Variants in NMD3 observed in about 807,000 individuals in gnomAD.
NMD3 encodes 60S ribosomal export protein NMD3.
A neutral mutation model predicts 73.1 loss-of-function variants in NMD3; 47 were observed. The observed-to-expected ratio is 0.64, with a 90% CI of 0.51 to 0.82. The LOEUF (loss-of-function observed/expected upper bound fraction) is 0.82. Among genes scored for constraint, NMD3 ranks in the 40% least tolerant of loss-of-function variants. The probability of loss-of-function intolerance (pLI) is 0.00; values close to 1 mark genes in which losing one functional copy is unlikely to be tolerated. For synonymous variants in NMD3, 210 were observed against 194.5 expected (o/e 1.08, Z -0.66); for missense variants, 554 against 612.5 (o/e 0.90, Z 1.01).
intron 7 of NMD3, among the ~76,000 whole-genome samples, chr3:161,236,016 A>G (rs193166419): frequency 1.3e-5 from 2 of 151,920 alleles, no homozygotes; most frequent in Admixed American, 1.3e-4. Flanking sequence ...CCTCAACTCT[A>G]TTTAGTTCTG....
At position 161,249,524 on chromosome 3, in the gene NMD3, C is replaced by T. The variant is rs140538956; in HGVS notation, c.1274C>T (p.Ala425Val). 1.5e-5 allele frequency: 24 copies of T among 1,612,114 alleles called. No homozygotes were observed. The highest frequency in any genetic ancestry group is 2.0e-5 in the Non-Finnish European group (23 of 1,178,604). ...RRRNWKLKEL[A>V]RERENMDTDD... The stretch of plus-strand genomic sequence containing the variant: ...AGAAACTGGAAATTGAAAGAGCTTG[C>T]AAGAGAGAGAGAAAACATGGATACA... The change falls in exon 14 of 16, where the codon GCA becomes GTA. Residue 425 changes from alanine (A) to valine (V), a missense_variant. Physicochemically the swap from Ala to Val is moderately conservative, Grantham distance 64 (BLOSUM62 0). Coordinates refer to ENST00000351193, the MANE Select transcript of NMD3 (RefSeq NM_015938.5).
chr3:161,242,774 A>T, intron 11 of NMD3, 121 bp downstream of exon 11: 1 of 754,662 alleles, frequency 1.3e-6, no homozygotes. Flanking sequence ...TTAGCACCAC[A>T]TTAGGAAAAA....
chr3:161,231,164 G>A (rs184461494), intron 4 of NMD3, among the ~76,000 whole-genome samples: 1 of 152,204 alleles, frequency 6.6e-6, no homozygotes, highest in Non-Finnish European at 1.5e-5. Flanking sequence ...GAATAATTTT[G>A]ATTATTGATT....
At chr3:161,221,288 G>C (rs1166843226), upstream of NMD3, 3 of 152,208 alleles carry the variant, frequency 2.0e-5, no homozygotes, top group Non-Finnish European at 4.4e-5. Context: ...GCGGGATTTC[G>C]AGCATTTCGC....
chr3:161,238,069 A>G (rs1736831408), intron 7 of NMD3, 44 bp from the exon 8 acceptor site: 2 of 1,308,056 alleles, frequency 1.5e-6, no homozygotes, highest in Non-Finnish European at 2.1e-6. Flanking sequence ...GGAGAATCCT[A>G]TTTTGCATAA....
rs117330428 is a variant in NMD3 at position 161,240,304 on chromosome 3, T to A, written c.754-742T>A. Reference sequence around the variant, plus strand: ...ACTTTTTTGGGCTTAAATCTTTGATTGTATATTGGCACATGTAGCCATGTA... The same window carrying A: ...ACTTTTTTGGGCTTAAATCTTTGATAGTATATTGGCACATGTAGCCATGTA... On this transcript the variant is annotated intron_variant, in intron 9 of 15. Coordinates refer to ENST00000351193, the MANE Select transcript of NMD3 (RefSeq NM_015938.5). 2.4e-3 allele frequency among the ~76,000 whole-genome samples: 372 copies of A among 152,258 alleles called. 16 individuals are homozygous for A. The East Asian group carries it at 0.067, about 28-fold the overall frequency.
intron 3 of NMD3, among the ~76,000 whole-genome samples, chr3:161,226,271 TG>T (rs1281315282): frequency 6.6e-5 from 10 of 151,898 alleles, no homozygotes; most frequent in African/African-American, 2.2e-4. Flanking sequence ...CTGGCCAACA[TG>T]GTGAAACCCT....
chr3:161,239,902 T>G (rs1299774764), intron 9 of NMD3, among the ~76,000 whole-genome samples: 1 of 152,182 alleles, frequency 6.6e-6, no homozygotes, highest in African/African-American at 2.4e-5. Context: ...CTGGTAAAAC[T>G]TTATTTACAA....
At chr3:161,245,881 A>C (rs780023774) in intron 11 of NMD3, among the ~76,000 whole-genome samples, 15 of 152,126 alleles carry the variant, frequency 9.9e-5, no homozygotes, top group Non-Finnish European at 1.6e-4. Flanking sequence ...GTTTACTACC[A>C]GGATTTCTAG....
chr3:161,228,445 GT>G (rs1442424290), intron 4 of NMD3, among the ~76,000 whole-genome samples: 4 of 151,298 alleles, frequency 2.6e-5, no homozygotes, highest in Admixed American at 1.3e-4. Flanking sequence ...CTAATGAATT[GT>G]TTTTTTCCAG....
chr3:161,229,653 A>G (rs1736457834), intron 4 of NMD3, among the ~76,000 whole-genome samples: 2 of 152,346 alleles, frequency 1.3e-5, no homozygotes, highest in Admixed American at 1.3e-4. Context: ...ATTGGATTAG[A>G]TTATTTCAGG....
chr3:161,225,917 C>G (rs1400975125), intron 3 of NMD3, among the ~76,000 whole-genome samples: 1 of 151,702 alleles, frequency 6.6e-6, no homozygotes, highest in African/African-American at 2.4e-5. Flanking sequence ...TGTACTGTTT[C>G]AGGGAGTTTA....
rs755620649 is a variant in NMD3 at position 161,234,803 on chromosome 3, A to G, written c.434A>G (p.His145Arg). 19 of 1,613,300 alleles carry G rather than the reference A, an allele frequency of 1.2e-5. No homozygotes were observed. Among genetic ancestry groups the G allele is most frequent in the Non-Finnish European group, 1.6e-5 (19 of 1,179,562 alleles). The stretch of plus-strand genomic sequence containing the variant: ...CAGTCCCAAATGTGTGGAGATTGCC[A>G]TAGAGTAGAAGCTAAGGATTTCTGG... The part of the protein sequence containing the change: ...VVQSQMCGDC[H>R]RVEAKDFWKA... The change falls in exon 6 of 16, where the codon CAT (histidine) becomes CGT (arginine). Residue 145 changes from histidine to arginine, a missense_variant. By Grantham distance (29) the His-to-Arg change is conservative. Coordinates refer to ENST00000351193, the MANE Select transcript of NMD3 (RefSeq NM_015938.5).
At chr3:161,233,588 C>T (rs1312567922) in intron 5 of NMD3, 109 bp downstream of exon 5, 3 of 566,086 alleles carry the variant, frequency 5.3e-6, no homozygotes, top group Non-Finnish European at 9.2e-6. Flanking sequence ...AAAGAGTACA[C>T]TCAATTTTAG....
chr3:161,240,542 T>TTTTTTTTTTTTTA (rs1736931457), intron 9 of NMD3, among the ~76,000 whole-genome samples: 4 of 149,600 alleles, frequency 2.7e-5, no homozygotes, highest in East Asian at 2.0e-4. Context: ...TTTTTTTTTT[T>TTTTTTTTTTTTTA]GAGAGACAGT....
chr3:161,238,563 G>A (rs1193045536), intron 8 of NMD3, among the ~76,000 whole-genome samples, 167 bp from the exon 9 acceptor site: 2 of 152,160 alleles, frequency 1.3e-5, no homozygotes, highest in African/African-American at 4.8e-5. Context: ...GAATGGTGAA[G>A]GTTTTGACAT....
At chr3:161,247,844 T>C (rs1222700698) in intron 13 of NMD3, among the ~76,000 whole-genome samples, 1 of 150,158 alleles carries the variant, frequency 6.7e-6, no homozygotes, top group East Asian at 2.0e-4. Context: ...TTGCGTGCAG[T>C]GTCATGATCA....
intron 4 of NMD3, 57 bp from the exon 5 acceptor site, chr3:161,233,342 G>T: frequency 2.5e-6 from 3 of 1,215,030 alleles, no homozygotes; most frequent in Non-Finnish European, 3.6e-6. Flanking sequence ...GTTCTTTCGT[G>T]TTTTTTTTCC....
In NMD3 at chr3:161,250,827, C is replaced by T. The variant is rs775602046; in HGVS notation, c.1429C>T (p.Arg477Ter). The change falls in exon 16 of 16, where the codon CGA (arginine) becomes TGA (stop). Residue 477 changes from arginine to a stop codon, truncating the protein, a stop_gained. Coordinates refer to ENST00000351193, the MANE Select transcript of NMD3 (RefSeq NM_015938.5). LOFTEE classifies it high-confidence loss of function. The stretch of plus-strand genomic sequence containing the variant: ...TGACACCGATGATGAAGGAGCACCT[C>T]GAATTAGTCTGGCTGAGATGCTTGA... The part of the protein sequence containing the change: ...ESDTDDEGAP[R>*]ISLAEMLEDL... The T allele has an allele frequency of 3.1e-6, 5 of 1,611,748 alleles. No individual in the cohort carries two copies. Among genetic ancestry groups the T allele is most frequent in the Non-Finnish European group, 4.2e-6 (5 of 1,178,080 alleles).
Sources: gnomAD v4.1 joint callset for allele counts (sites outside exome capture counted in the v4.1 genomes callset) on GRCh38, gnomAD v4.1.1 for gene constraint, MANE v1.5 for transcripts, NCBI Gene and HGNC (gene_info 2026-07-23, HGNC 2026-07-21) for gene names.